The following MACF1 variants were observed in gnomAD, a reference collection of about 807,000 sequenced individuals.
MACF1 encodes microtubule actin crosslinking factor 1, also known as microtubule-actin cross-linking factor 1.
Under a neutral mutation model 854.8 loss-of-function variants are expected in MACF1, and 193 were observed. The observed-to-expected ratio is 0.23, with a 90% CI of 0.20 to 0.25. MACF1 has a LOEUF of 0.25. Among genes scored for constraint, MACF1 ranks in the 10% least tolerant of loss-of-function variants. MACF1 has a pLI of 1.00. For missense variants in MACF1, 7,722 were observed against 8,929.1 expected (o/e 0.86, Z 5.45); for synonymous variants, 3,185 against 3,226.7 (o/e 0.99, Z 0.44).
In MACF1 at chr1:39,127,281, A is replaced by G. The variant is rs186424859; in HGVS notation, c.220+42843A>G. Among the ~76,000 whole-genome samples, 503 of 152,306 alleles carry G rather than the reference A, an allele frequency of 3.3e-3. 3 individuals carry two copies. Among genetic ancestry groups the G allele is most frequent in the Admixed American group, 5.6e-3 (85 of 15,298 alleles). ...ATTCTGCATTTTGATTTTTGGCAGCATTTAGGAAAGAGCTGAGGTGGACCT... is the reference window on the plus strand; with the variant it reads ...ATTCTGCATTTTGATTTTTGGCAGCGTTTAGGAAAGAGCTGAGGTGGACCT... On this transcript the variant is annotated intron_variant, in intron 2 of 93. Transcript: ENST00000361689.
chr1:39,191,890 C>T (rs531535229), intron 2 of MACF1, among the ~76,000 whole-genome samples: 14 of 152,224 alleles, frequency 9.2e-5, no homozygotes, highest in African/African-American at 2.9e-4. Context: ...GGGCCAGGCA[C>T]GGTGGCTCCC....
At chr1:39,249,494 T>A (rs1645016888) in intron 2 of MACF1, among the ~76,000 whole-genome samples, 1 of 152,236 alleles carries the variant, frequency 6.6e-6, no homozygotes, top group Non-Finnish European at 1.5e-5. Flanking sequence ...AATTTTAAAG[T>A]TAATTGGAAT....
chr1:39,147,528 T>C (rs189855438), intron 2 of MACF1, among the ~76,000 whole-genome samples: 1 of 146,222 alleles, frequency 6.8e-6, no homozygotes, highest in African/African-American at 2.5e-5. Flanking sequence ...TTCTTTTCCT[T>C]CTTTCTTCTT....
At chr1:39,351,645 G>A (rs1255303655) in intron 43 of MACF1, among the ~76,000 whole-genome samples, 1 of 139,926 alleles carries the variant, frequency 7.1e-6, no homozygotes, top group East Asian at 2.2e-4. Flanking sequence ...GGAGTACAGT[G>A]GTGCAATCTC....
Position 39,350,895 on chromosome 1 carries a change from A to G in MACF1, c.11076A>G (p.Thr3692=), listed in dbSNP as rs1226449293. The part of the protein sequence containing the change: ...NQTKLSPREL[T]ALREKLHQAK... ...CCAAGCTGAGCCCACGTGAGTTGAC[A>G]GCTCTTCGGGAAAAGCTTCATCAGG... The change falls in exon 43 of 101, where the codon ACA becomes ACG. Residue 3692 remains threonine, a synonymous_variant. Coordinates refer to ENST00000564288, the MANE Select transcript of MACF1 (RefSeq NM_001394062.1). The G allele has an allele frequency of 6.2e-7, 1 of 1,614,140 alleles. No homozygotes were observed. Among genetic ancestry groups the G allele is most frequent in the Non-Finnish European group, 8.5e-7 (1 of 1,180,008 alleles).
At chr1:39,482,515 TTTG>T (rs1557677860) in intron 99 of MACF1, among the ~76,000 whole-genome samples, 7 of 93,392 alleles carry the variant, frequency 7.5e-5, no homozygotes, top group Non-Finnish European at 1.8e-4. Context: ...GGTTTTTTTG[TTTG>T]TTTGTTTGTT....
rs1642852533 is a variant in MACF1, at chr1:39,409,018, CG to C, written c.15817-13352del. Among the ~76,000 whole-genome samples the C allele has an allele frequency of 6.6e-6, 1 of 151,700 alleles. No individual in the cohort carries two copies. The highest frequency in any genetic ancestry group is 6.6e-5 in the Admixed American group (1 of 15,258). ...CCTGGCTTCCAGGGGGCTGCCCGGG[CG>C]GGGCGGCGCAGCGCGGCGGCGCGGG... is the stretch of plus-strand genomic sequence containing the variant. On this transcript the variant is annotated intron_variant, in intron 58 of 100. Transcript: ENST00000564288. The surrounding 1 kb of genome is among the most constrained non-coding windows in gnomAD (Gnocchi z 4.2).
chr1:39,342,439 G>A (rs1646954601), intron 40 of MACF1, among the ~76,000 whole-genome samples: 1 of 151,964 alleles, frequency 6.6e-6, no homozygotes, highest in African/African-American at 2.4e-5. Context: ...TAGGTCAAAT[G>A]GTAATTCTAA....
chr1:39,148,659 C>T (rs1298595566), intron 2 of MACF1, among the ~76,000 whole-genome samples: 1 of 152,134 alleles, frequency 6.6e-6, no homozygotes, highest in Non-Finnish European at 1.5e-5. Context: ...TCAGTATTCT[C>T]TTGTATGGAT....
intron 56 of MACF1, among the ~76,000 whole-genome samples, chr1:39,383,304 G>C (rs571614584): frequency 8.5e-4 from 129 of 152,190 alleles, no homozygotes; most frequent in Non-Finnish European, 1.6e-3. Context: ...CTGCATCCAG[G>C]TAATTATTGA....
At chr1:39,277,674 C>G (rs1314733851) in intron 6 of MACF1, among the ~76,000 whole-genome samples, 1 of 152,180 alleles carries the variant, frequency 6.6e-6, no homozygotes, top group Non-Finnish European at 1.5e-5. Flanking sequence ...AAACTCAGCA[C>G]AGATGTTGTT....
At chr1:39,110,425 A>G (rs907547596) in intron 2 of MACF1, among the ~76,000 whole-genome samples, 1 of 151,734 alleles carries the variant, frequency 6.6e-6, no homozygotes, top group Non-Finnish European at 1.5e-5. Flanking sequence ...TTTTGAAGAG[A>G]AAAGGTCTCA....
intron 2 of MACF1, among the ~76,000 whole-genome samples, chr1:39,186,460 A>G (rs1393758057): frequency 4.0e-5 from 6 of 151,874 alleles, no homozygotes; most frequent in Admixed American, 3.9e-4. Flanking sequence ...GGGCTCACCT[A>G]TAGGATAAAA....
Position 39,335,472 on chromosome 1 carries a change from G to A in MACF1, c.8884G>A (p.Val2962Ile), listed in dbSNP as rs373785060. ...GTCAGGCAAATTGCCGAGTGAGCAG[G>A]TTTTGCAGCAACCAATGAATGCTCG... is the stretch of plus-strand genomic sequence containing the variant. ...ETSGKLPSEQ[V>I]LQQPMNARVK... Residue 2962 changes from valine to isoleucine, a missense_variant, in exon 37 of 101, where the codon GTT becomes ATT. Physicochemically the swap from Val to Ile is conservative, Grantham distance 29. Transcript: ENST00000564288. 1.2e-6 allele frequency: 2 copies of A among 1,614,066 alleles called. No homozygotes were observed. The highest frequency in any genetic ancestry group is 1.3e-5 in the African/African-American group (1 of 74,928).
Position 39,468,638 on chromosome 1 carries a change from G to C in MACF1, c.21795G>C (p.Arg7265=). 6.2e-7 allele frequency: 1 copy of C among 1,614,130 alleles called. No individual in the cohort carries two copies. The highest frequency in any genetic ancestry group is 8.5e-7 in the Non-Finnish European group (1 of 1,179,984). Residue 7265 remains arginine (R), a synonymous_variant, in exon 96 of 101, where the codon CGG becomes CGC. Transcript: ENST00000564288. The part of the protein sequence containing the change: ...GNQFGDSQQL[R]LVRILRSTVM... ...AGTTTGGGGATTCTCAGCAGTTGCG[G>C]CTGGTCCGTATTCTGCGCAGCACCG...
intron 15 of MACF1, among the ~76,000 whole-genome samples, chr1:39,290,083 A>G (rs75297797): frequency 0.036 from 5,430 of 152,140 alleles, 144 homozygotes; most frequent in Non-Finnish European, 0.049. Context: ...TTGGTTGCCT[A>G]TGTTGGTGTG....
At chr1:39,417,182 T>C (rs925637262) in intron 58 of MACF1, among the ~76,000 whole-genome samples, 2 of 152,192 alleles carry the variant, frequency 1.3e-5, no homozygotes, top group African/African-American at 2.4e-5. Context: ...ATATAAACTT[T>C]GTAATTGCAA....
At chr1:39,129,541 G>A (rs535673469) in intron 2 of MACF1, among the ~76,000 whole-genome samples, 2 of 152,158 alleles carry the variant, frequency 1.3e-5, no homozygotes, top group Non-Finnish European at 2.9e-5. Context: ...AAAAGGCTTA[G>A]GTTAGATTTA....
At chr1:39,420,934 C>G (rs896680164) in intron 58 of MACF1, among the ~76,000 whole-genome samples, 1 of 148,186 alleles carries the variant, frequency 6.7e-6, no homozygotes, top group Non-Finnish European at 1.5e-5. Flanking sequence ...GGCTCAGTCT[C>G]GGCTCACTGC....
Sources: allele counts gnomAD v4.1 joint callset (sites outside exome capture counted in the v4.1 genomes callset), GRCh38; gene constraint gnomAD v4.1.1; non-coding constraint Gnocchi (gnomAD v3.1); transcripts MANE v1.5; gene names NCBI Gene and HGNC (gene_info 2026-07-23, HGNC 2026-07-21).